Variants in EEF2K observed in about 807,000 individuals in gnomAD.
The protein encoded by EEF2K is alternative protein EEF2K.
In EEF2K, 70 loss-of-function variants were observed where a neutral mutation model predicts 93.8. That is an observed-to-expected ratio of 0.75 (90% CI 0.62 to 0.91). The LOEUF (loss-of-function observed/expected upper bound fraction) is 0.91. Among genes scored for constraint, EEF2K ranks in the 40% least tolerant of loss-of-function variants. The pLI is 0.00. For missense variants in EEF2K, 935 were observed against 972.9 expected, an observed-to-expected ratio of 0.96 and a Z score of 0.52; for synonymous variants, 376 against 380.8, an observed-to-expected ratio of 0.99 and a Z score of 0.15.
At chr16:22,215,291 C>T (rs1318022175) in intron 1 of EEF2K, among the ~76,000 whole-genome samples, 1 of 152,116 alleles carries the variant, frequency 6.6e-6, no homozygotes, top group Non-Finnish European at 1.5e-5. Flanking sequence ...AGGAAGTCAG[C>T]CTGAATCAGC....
At chr16:22,278,899 A>G (rs1055632116) in intron 16 of EEF2K, among the ~76,000 whole-genome samples, 3 of 152,136 alleles carry the variant, frequency 2.0e-5, no homozygotes, top group Non-Finnish European at 4.4e-5. Flanking sequence ...AGACTCAACT[A>G]TTCTGGGGTG....
At chr16:22,242,709 T>A (rs2047236240) in intron 2 of EEF2K, among the ~76,000 whole-genome samples, 1 of 152,114 alleles carries the variant, frequency 6.6e-6, no homozygotes, top group South Asian at 2.1e-4. Flanking sequence ...AGGCCGGGAA[T>A]GCCAGCAACC....
At chr16:22,234,509 A>G (rs1411861302) in intron 2 of EEF2K, among the ~76,000 whole-genome samples, 1 of 151,852 alleles carries the variant, frequency 6.6e-6, no homozygotes, top group Non-Finnish European at 1.5e-5. Flanking sequence ...GTGAGCCAAG[A>G]TCGCACCACT....
chr16:22,254,846 C>G (rs530642384), intron 6 of EEF2K, among the ~76,000 whole-genome samples: 1 of 151,868 alleles, frequency 6.6e-6, no homozygotes, highest in Non-Finnish European at 1.5e-5. Context: ...GGTGGGGGGG[C>G]GGATCACTTG....
At chr16:22,210,135 C>G (rs1209049652) in intron 1 of EEF2K, among the ~76,000 whole-genome samples, 1 of 152,178 alleles carries the variant, frequency 6.6e-6, no homozygotes, top group Non-Finnish European at 1.5e-5. Context: ...GTCACTAACA[C>G]GCTGATGATA....
At position 22,224,789 on chromosome 16, in the gene EEF2K, C is replaced by T. The variant is rs528826960; in HGVS notation, c.-76-865C>T. 4.6e-5 allele frequency among the ~76,000 whole-genome samples: 7 copies of T among 152,188 alleles called. No individual in the cohort carries two copies. The South Asian group carries it at 1.4e-3, about 32-fold the overall frequency. ...CCAACATGGTGAAATGCCATCTCTACTAAAAATGCAAAAATTAGCTAGTTG... is the reference window on the plus strand; with the variant it reads ...CCAACATGGTGAAATGCCATCTCTATTAAAAATGCAAAAATTAGCTAGTTG... On this transcript the variant is annotated intron_variant, in intron 1 of 17. Transcript: ENST00000263026.
At position 22,256,838 on chromosome 16, in the gene EEF2K, A is replaced by G; in HGVS notation, c.709A>G (p.Ile237Val). 1 of 1,614,190 alleles carries G rather than the reference A, an allele frequency of 6.2e-7. No individual in the cohort carries two copies. The highest frequency in any genetic ancestry group is 8.5e-7 in the Non-Finnish European group (1 of 1,180,044). The change falls in exon 7 of 18, where the codon ATC (isoleucine) becomes GTC (valine). Residue 237 changes from isoleucine to valine, a missense_variant. Transcript: ENST00000263026. ...HLEHYIEGKY[I>V]KYNSNSGFVR... ...GGAGCACTACATCGAGGGCAAGTAC[A>G]TCAAGTACAACTCCAACTCTGGCTT...
intron 6 of EEF2K, 90 bp downstream of exon 6, chr16:22,251,412 C>G: frequency 7.1e-7 from 1 of 1,403,274 alleles, no homozygotes; most frequent in South Asian, 1.4e-5. Flanking sequence ...CCCTATTTCA[C>G]CTTCTTTTTT....
At position 22,258,512 on chromosome 16, in the gene EEF2K, T is replaced by C; in HGVS notation, c.1048T>C (p.Leu350=). The change falls in exon 10 of 18, where the codon TTG becomes CTG. Residue 350 remains leucine (L), a synonymous_variant. Transcript: ENST00000263026. ...TCCCTAGCAATCAGCCAAGACCATC[T>C]TGAGAGGAACAGAGGAAAAATGTGG... The part of the protein sequence containing the change: ...TKLLQSAKTI[L]RGTEEKCGSP... 1 of 1,614,026 alleles carries C rather than the reference T, an allele frequency of 6.2e-7. No individual in the cohort carries two copies.
intron 11 of EEF2K, among the ~76,000 whole-genome samples, chr16:22,260,970 G>A (rs1165675756): frequency 6.6e-6 from 1 of 152,130 alleles, no homozygotes; most frequent in Admixed American, 6.6e-5. Context: ...CTGAAGCTTT[G>A]GGTTGACTTG....
chr16:22,244,656 G>A lies in EEF2K; in HGVS notation c.273G>A (p.Lys91=), dbSNP rs754116940. The A allele has an allele frequency of 3.7e-6, 6 of 1,613,952 alleles. No individual in the cohort carries two copies. The Admixed American group carries it at 8.3e-5, about 22-fold the overall frequency. The change falls in exon 3 of 18, where the codon AAG becomes AAA. Residue 91 remains lysine (K), a synonymous_variant. Transcript: ENST00000263026. ...FKEAWKHAIQ[K]AKHMPDPWAE... ...AAGCCTGGAAGCACGCAATCCAGAA[G>A]GCCAAGCACATGCCCGACCCCTGGG...
chr16:22,211,200 T>C (rs538610797), intron 1 of EEF2K, among the ~76,000 whole-genome samples: 22 of 152,228 alleles, frequency 1.4e-4, no homozygotes, highest in Non-Finnish European at 2.5e-4. Context: ...CTCTGTTGAG[T>C]AGATGAATTT....
chr16:22,210,094 A>G (rs2046901155), intron 1 of EEF2K, among the ~76,000 whole-genome samples: 1 of 152,166 alleles, frequency 6.6e-6, no homozygotes, highest in Admixed American at 6.6e-5. Context: ...GCCCAACCAT[A>G]TAAGAAGGCT....
At chr16:22,258,031 C>T (rs745674313) in intron 9 of EEF2K, among the ~76,000 whole-genome samples, 10 of 152,238 alleles carry the variant, frequency 6.6e-5, no homozygotes, top group Non-Finnish European at 1.3e-4. Flanking sequence ...GGAACAGGCA[C>T]GTGGAGATAG....
At chr16:22,229,510 C>G (rs2047095425) in intron 2 of EEF2K, among the ~76,000 whole-genome samples, 1 of 152,126 alleles carries the variant, frequency 6.6e-6, no homozygotes, top group South Asian at 2.1e-4. Context: ...TGAGACCAGC[C>G]TGGCCAACAT....
intron 2 of EEF2K, among the ~76,000 whole-genome samples, chr16:22,241,615 G>T (rs1042441536): frequency 7.0e-6 from 1 of 142,500 alleles, no homozygotes; most frequent in Non-Finnish European, 1.5e-5. Context: ...CTTTAGCCTG[G>T]GTGACAGAGG....
Position 22,280,226 on chromosome 16 carries a change from T to C in EEF2K, c.1918T>C (p.Trp640Arg). Residue 640 changes from tryptophan to arginine, a missense_variant, in exon 17 of 18, where the codon TGG (tryptophan) becomes CGG (arginine). By Grantham distance (101) the Trp-to-Arg change is moderately radical. Coordinates refer to ENST00000263026, the MANE Select transcript of EEF2K (RefSeq NM_013302.5). ...CCAAGACTGGCTAGAGGCCCTGCACTGGTACAACACTGCCCTGGAGATGAC... is the reference window on the plus strand; with the variant it reads ...CCAAGACTGGCTAGAGGCCCTGCACCGGTACAACACTGCCCTGGAGATGAC... Reference protein sequence around the residue: ...RCQDWLEALHWYNTALEMTDC... With the variant: ...RCQDWLEALHRYNTALEMTDC... 2 of 1,571,810 alleles carry C rather than the reference T, an allele frequency of 1.3e-6. No individual in the cohort carries two copies. The highest frequency in any genetic ancestry group is 1.7e-6 in the Non-Finnish European group (2 of 1,159,428).
At chr16:22,266,296 C>G in intron 13 of EEF2K, 94 bp from the exon 14 acceptor site, 1 of 1,502,884 alleles carries the variant, frequency 6.7e-7, no homozygotes, top group East Asian at 2.3e-5. Flanking sequence ...CCATCTCCCT[C>G]CAGCCAGGCT....
intron 15 of EEF2K, among the ~76,000 whole-genome samples, chr16:22,272,957 T>C (rs1025186745): frequency 5.3e-5 from 8 of 152,230 alleles, no homozygotes; most frequent in Non-Finnish European, 1.2e-4. Context: ...ATTACAGGCA[T>C]GAGCCACCCA....
Sources: gnomAD v4.1 joint callset for allele counts (sites outside exome capture counted in the v4.1 genomes callset) on GRCh38, gnomAD v4.1.1 for gene constraint, MANE v1.5 for transcripts, NCBI Gene and HGNC (gene_info 2026-07-23, HGNC 2026-07-21) for gene names.